SPMIP6: variants seen among roughly 807,000 people sequenced by gnomAD.
The protein encoded by SPMIP6 is sperm microtubule inner protein 6, also known as ciliated bronchial epithelial protein 1.
At chr9:34,379,808 T>G in the SPMIP6 span, 1 of 1,198,026 alleles carries the variant, frequency 8.3e-7, no homozygotes, top group East Asian at 2.3e-5. This position sits in a 1 kb window ranked among gnomAD's most constrained non-coding sequence, Gnocchi z 4.2. Context: ...ACCAAGCCCC[T>G]GGGCGGCGCT....
chr9:34,380,099 C>T, the SPMIP6 span, among the ~76,000 whole-genome samples: 1 of 152,164 alleles, frequency 6.6e-6, no homozygotes, highest in African/African-American at 2.4e-5. Flanking sequence ...TTTCCCACTC[C>T]CCTATGCCCT....
At chr9:34,385,565 A>C in the SPMIP6 span, 77 of 743,206 alleles carry the variant, frequency 1.0e-4, no homozygotes, top group Non-Finnish European at 1.6e-4. Flanking sequence ...AAAAAAGGAT[A>C]GAGGTCACGA....
the SPMIP6 span, among the ~76,000 whole-genome samples, chr9:34,389,194 C>G: frequency 1.3e-5 from 2 of 152,180 alleles, no homozygotes; most frequent in African/African-American, 4.8e-5. Context: ...GCCTTAGACT[C>G]CCAAAGTACA....
At chr9:34,380,961 CGTA>C in the SPMIP6 span, 1 of 1,606,058 alleles carries the variant, frequency 6.2e-7, no homozygotes, top group South Asian at 1.1e-5. Context: ...GCCCCGCTGG[CGTA>C]GTAGTCCATC....
chr9:34,391,882 C>T, the SPMIP6 span, among the ~76,000 whole-genome samples: 13 of 152,004 alleles, frequency 8.6e-5, no homozygotes, highest in Non-Finnish European at 1.8e-4. Context: ...AATTATATTG[C>T]GAGAGTTTTA....
chr9:34,382,814 C>T, the SPMIP6 span: 1 of 1,614,162 alleles, frequency 6.2e-7, no homozygotes, highest in Non-Finnish European at 8.5e-7. Context: ...TGTAAGGTTC[C>T]ATCCTCCATG....
chr9:34,386,136 A>G, the SPMIP6 span, among the ~76,000 whole-genome samples: 6 of 152,092 alleles, frequency 3.9e-5, no homozygotes, highest in Non-Finnish European at 8.8e-5. Context: ...GCTGCCTGGG[A>G]GCAGGGCTGG....
At chr9:34,397,684 C>G in the SPMIP6 span, 47 of 1,530,196 alleles carry the variant, frequency 3.1e-5, no homozygotes, top group South Asian at 5.4e-4. Flanking sequence ...AGGGCTCCTG[C>G]TGGACATCAG....
the SPMIP6 span, among the ~76,000 whole-genome samples, chr9:34,394,593 T>C: frequency 1.3e-5 from 2 of 152,178 alleles, no homozygotes; most frequent in Non-Finnish European, 2.9e-5. Flanking sequence ...TCATGTTTAA[T>C]TGGCCGTTCT....
chr9:34,385,588 G>GGT, the SPMIP6 span: 3 of 1,491,582 alleles, frequency 2.0e-6, no homozygotes, highest in Non-Finnish European at 2.8e-6. Flanking sequence ...CAGGTGGTTG[G>GGT]GTTCAGGTTG....
At chr9:34,382,661 A>T in the SPMIP6 span, 2 of 809,456 alleles carry the variant, frequency 2.5e-6, no homozygotes, top group Non-Finnish European at 4.5e-6. Context: ...AGCAATGAGG[A>T]CCTAATGGTG....
the SPMIP6 span, chr9:34,382,787 G>A: frequency 6.2e-7 from 1 of 1,614,112 alleles, no homozygotes. Context: ...TGGTATACTT[G>A]TTGCAGCAGC....
chr9:34,388,542 C>G, the SPMIP6 span, among the ~76,000 whole-genome samples: 4 of 152,250 alleles, frequency 2.6e-5, no homozygotes, highest in African/African-American at 9.6e-5. Flanking sequence ...ATTACCAGTT[C>G]CTGAGCCTTT....
chr9:34,393,412 A>G, the SPMIP6 span, among the ~76,000 whole-genome samples: 191 of 152,210 alleles, frequency 1.3e-3, no homozygotes, highest in African/African-American at 4.3e-3. Context: ...CCTTTATTGT[A>G]TATAGACCTG....
At chr9:34,387,983 A>G in the SPMIP6 span, among the ~76,000 whole-genome samples, 1 of 152,110 alleles carries the variant, frequency 6.6e-6, no homozygotes, top group South Asian at 2.1e-4. Context: ...CATTCAGTAT[A>G]TGGGGGTTCA....
At chr9:34,395,343 AAG>A in the SPMIP6 span, among the ~76,000 whole-genome samples, 1 of 152,198 alleles carries the variant, frequency 6.6e-6, no homozygotes, top group Admixed American at 6.5e-5. Flanking sequence ...CTAAGTTACC[AAG>A]AGTTACTACA....
chr9:34,385,520 A>T, the SPMIP6 span: 3 of 891,544 alleles, frequency 3.4e-6, no homozygotes, highest in Non-Finnish European at 4.8e-6. Flanking sequence ...GGGCAACAAG[A>T]GCGAAACTCC....
At chr9:34,394,490 A>T in the SPMIP6 span, among the ~76,000 whole-genome samples, 8 of 150,650 alleles carry the variant, frequency 5.3e-5, no homozygotes, top group Non-Finnish European at 1.2e-4. Context: ...TAATTCTAAT[A>T]TCTGAAATTC....
the SPMIP6 span, among the ~76,000 whole-genome samples, chr9:34,386,195 C>A: frequency 3.9e-5 from 6 of 152,098 alleles, no homozygotes; most frequent in African/African-American, 1.4e-4. Flanking sequence ...AGAGGGCTAC[C>A]CTGGGAGCTG....
Sources: allele counts gnomAD v4.1 joint callset (sites outside exome capture counted in the v4.1 genomes callset), GRCh38; gene constraint gnomAD v4.1.1; non-coding constraint Gnocchi (gnomAD v3.1); transcripts MANE v1.5; gene names NCBI Gene and HGNC (gene_info 2026-07-23, HGNC 2026-07-21).